The following NDRG1 variants were observed in gnomAD, a reference collection of about 807,000 sequenced individuals.
The protein encoded by NDRG1 is protein NDRG1.
NDRG1 carries 32 observed loss-of-function variants against 56.9 expected under a neutral mutation model. The observed-to-expected ratio is 0.56, with a 90% CI of 0.42 to 0.76. The LOEUF (loss-of-function observed/expected upper bound fraction) is 0.76. Ranked by LOEUF, NDRG1 falls within the 30% of genes least tolerant of loss-of-function variation. The probability of loss-of-function intolerance (pLI) is 0.00; values close to 1 mark genes in which losing one functional copy is unlikely to be tolerated. For missense variants in NDRG1, 507 were observed against 545.7 expected, an observed-to-expected ratio of 0.93 and a Z score of 0.71; for synonymous variants, 211 against 204.1, an observed-to-expected ratio of 1.03 and a Z score of -0.29.
chr8:133,262,026 A>G, intron 5 of NDRG1, 21 bp downstream of exon 5: 1 of 1,598,134 alleles, frequency 6.3e-7, no homozygotes, highest in Non-Finnish European at 8.5e-7. Flanking sequence ...TGTAGAGCTC[A>G]TAGGGCAAGA....
chr8:133,265,944 C>A (rs1856897601), intron 3 of NDRG1, among the ~76,000 whole-genome samples: 1 of 152,268 alleles, frequency 6.6e-6, no homozygotes, highest in South Asian at 2.1e-4. Context: ...AGAGCAGTGA[C>A]CTCCCCTTTG....
Position 133,242,074 on chromosome 8 carries a change from G to A in NDRG1, c.892C>T (p.Pro298Ser), listed in dbSNP as rs201348291. Residue 298 changes from proline (P) to serine (S), a missense_variant and splice_region_variant, in exon 15 of 16, where the codon CCG (proline) becomes TCG (serine). Physicochemically the swap from Pro to Ser is moderately conservative, Grantham distance 74. Coordinates refer to ENST00000323851, the MANE Select transcript of NDRG1 (RefSeq NM_006096.4). ...DCGGLPQISQ[P>S]AKLAEAFKYF... ...TTGAAGGCCTCAGCGAGCTTGGCCG[G>A]CTGCGAGAGACAAGGAGAGAAAATG... The A allele has an allele frequency of 3.7e-6, 6 of 1,614,234 alleles. No individual in the cohort carries two copies. Among genetic ancestry groups the A allele is most frequent in the East Asian group, 2.2e-5 (1 of 44,884 alleles).
intron 15 of NDRG1, chr8:133,240,530 G>A (rs1855320319): frequency 6.6e-6 from 1 of 152,226 alleles, no homozygotes; most frequent in African/African-American, 2.4e-5. Flanking sequence ...AGCAGGATGA[G>A]AAGCGTACAG....
intron 1 of NDRG1, among the ~76,000 whole-genome samples, chr8:133,296,045 G>A (rs772176189): frequency 2.0e-5 from 3 of 152,194 alleles, no homozygotes; most frequent in Non-Finnish European, 2.9e-5. Context: ...GTAAGGAACC[G>A]ACCCACTAAA....
chr8:133,254,262 G>A (rs1442014331), intron 9 of NDRG1, among the ~76,000 whole-genome samples: 1 of 152,158 alleles, frequency 6.6e-6, no homozygotes, highest in African/African-American at 2.4e-5. Flanking sequence ...TTACAGGGAT[G>A]GTTTTACAAA....
At position 133,237,338 on chromosome 8, in the gene NDRG1, G is replaced by A. The variant is rs1855109815; in HGVS notation, c.*1540C>T. On this transcript the variant is annotated 3_prime_UTR_variant, in exon 16 of 16. Transcript: ENST00000323851. Reference sequence around the variant, plus strand: ...CCAGGGAAGGCCTCCAAGGTGATGGGCGGCAGGTAACGAGTCATTGCCTCT... The same window carrying A: ...CCAGGGAAGGCCTCCAAGGTGATGGACGGCAGGTAACGAGTCATTGCCTCT... 1 of 232,194 alleles carries A rather than the reference G, an allele frequency of 4.3e-6. No individual in the cohort carries two copies. Among genetic ancestry groups the A allele is most frequent in the Non-Finnish European group, 8.5e-6 (1 of 117,482 alleles). 14.4% of individuals were successfully genotyped at this position (232,194 alleles called of 1,614,324 possible).
At chr8:133,251,573 A>G (rs1017699403) in intron 9 of NDRG1, among the ~76,000 whole-genome samples, 7 of 152,366 alleles carry the variant, frequency 4.6e-5, no homozygotes, top group African/African-American at 1.4e-4. Flanking sequence ...TCCCTCCTCC[A>G]GTGAAACAGA....
At chr8:133,292,750 A>G (rs927348234) in intron 1 of NDRG1, among the ~76,000 whole-genome samples, 8 of 152,102 alleles carry the variant, frequency 5.3e-5, no homozygotes, top group Non-Finnish European at 7.4e-5. Flanking sequence ...CTCTCTTCAA[A>G]CAGAACTCTA....
intron 2 of NDRG1, among the ~76,000 whole-genome samples, chr8:133,282,816 T>C (rs1429211549): frequency 6.6e-6 from 1 of 152,228 alleles, no homozygotes; most frequent in Non-Finnish European, 1.5e-5. Context: ...ATTTGACCCT[T>C]TGCAGAAAAG....
intron 1 of NDRG1, among the ~76,000 whole-genome samples, chr8:133,289,223 CT>C (rs1294996078): frequency 6.6e-6 from 1 of 152,122 alleles, no homozygotes; most frequent in Non-Finnish European, 1.5e-5. Context: ...GCTATCTAAC[CT>C]CTTTGCCTCA....
intron 3 of NDRG1, among the ~76,000 whole-genome samples, chr8:133,278,252 A>G (rs1857569859): frequency 6.6e-6 from 1 of 151,950 alleles, no homozygotes; most frequent in Non-Finnish European, 1.5e-5. Context: ...CATCTATTGC[A>G]GCTCTGACTT....
chr8:133,259,645 C>T, intron 5 of NDRG1, among the ~76,000 whole-genome samples: 1 of 152,142 alleles, frequency 6.6e-6, no homozygotes, highest in East Asian at 1.9e-4. Flanking sequence ...GACTAGAAGG[C>T]ATTTCACAAT....
At chr8:133,244,728 G>A (rs1012269361) in intron 13 of NDRG1, 6 of 474,294 alleles carry the variant, frequency 1.3e-5, no homozygotes, top group East Asian at 3.9e-5. Flanking sequence ...TGAGGGACTC[G>A]CAAGGTTCCA....
chr8:133,277,132 T>C (rs1431028132), intron 3 of NDRG1, among the ~76,000 whole-genome samples: 1 of 152,220 alleles, frequency 6.6e-6, no homozygotes, highest in Non-Finnish European at 1.5e-5. Flanking sequence ...AATAATATAG[T>C]GTATGACTGC....
chr8:133,295,814 T>C (rs1858719370), intron 1 of NDRG1, among the ~76,000 whole-genome samples: 1 of 152,202 alleles, frequency 6.6e-6, no homozygotes, highest in Non-Finnish European at 1.5e-5. Context: ...GGCTGACTTC[T>C]GAATATTAGA....
chr8:133,271,429 A>G (rs1029550006), intron 3 of NDRG1, among the ~76,000 whole-genome samples: 4 of 152,110 alleles, frequency 2.6e-5, no homozygotes, highest in African/African-American at 9.7e-5. Flanking sequence ...TCATAAAATG[A>G]TACACTCCTC....
chr8:133,290,735 CAAAACCAGCATCTTG>C (rs1275487159), intron 1 of NDRG1, among the ~76,000 whole-genome samples: 1 of 152,184 alleles, frequency 6.6e-6, no homozygotes, highest in African/African-American at 2.4e-5. Flanking sequence ...GAGCTTTTGG[CAAAACCAGCATCTTG>C]AACTTTTCTC....
chr8:133,245,741 T>C lies in NDRG1; in HGVS notation c.855+875A>G, dbSNP rs1586410707. ...TTGCTTTAAGCCACCCATTTTGTGA[T>C]ACTTGTGACAACCGCCCTCAAAGTA... is the stretch of plus-strand genomic sequence containing the variant. On this transcript the variant is annotated intron_variant, in intron 13 of 15. Transcript: ENST00000323851. Among the ~76,000 whole-genome samples the C allele has an allele frequency of 2.0e-5, 3 of 152,340 alleles. No individual in the cohort carries two copies. The South Asian group carries it at 6.2e-4, about 32-fold the overall frequency.
chr8:133,264,215 G>T (rs559445989), intron 4 of NDRG1, among the ~76,000 whole-genome samples: 4 of 152,304 alleles, frequency 2.6e-5, no homozygotes, highest in Non-Finnish European at 5.9e-5. Context: ...TTTTTTGGAA[G>T]GATGAAAATG....
Sources: allele counts gnomAD v4.1 joint callset (sites outside exome capture counted in the v4.1 genomes callset), GRCh38; gene constraint gnomAD v4.1.1; transcripts MANE v1.5; gene names NCBI Gene and HGNC (gene_info 2026-07-23, HGNC 2026-07-21).